The following NTSR2 variants were observed in gnomAD, a reference collection of about 807,000 sequenced individuals.
NTSR2 encodes the protein neurotensin receptor type 2.
NTSR2 carries 22 observed loss-of-function variants against 24.1 expected under a neutral mutation model. That is an observed-to-expected ratio of 0.91 (90% CI 0.65 to 1.30). The LOEUF is 1.30. Among genes scored for constraint, NTSR2 ranks in the 50% most tolerant of loss-of-function variants. NTSR2 has a pLI of 0.00. For missense variants in NTSR2, 570 were observed against 570.4 expected, an observed-to-expected ratio of 1.00 and a Z score of 0.01; for synonymous variants, 291 against 267.0, an observed-to-expected ratio of 1.09 and a Z score of -0.88.
Position 11,660,045 on chromosome 2 carries a change from A to T in NTSR2, c.987T>A (p.Thr329=). Residue 329 remains threonine, a splice_region_variant and synonymous_variant, in exon 3 of 4, where the codon ACT becomes ACA. Coordinates refer to ENST00000306928, the MANE Select transcript of NTSR2 (RefSeq NM_012344.4). ...MYCYVPDDAW[T]DPLYNFYHYF... ...TAGGGTCCTTCTGCCACACTCACTC[A>T]GTCCACGCGTCATCAGGTACGTAGC... 6.2e-7 allele frequency: 1 copy of T among 1,612,862 alleles called. No individual in the cohort carries two copies. The highest frequency in any genetic ancestry group is 8.5e-7 in the Non-Finnish European group (1 of 1,179,056).
chr2:11,659,294 G>A (rs975155116), intron 3 of NTSR2, among the ~76,000 whole-genome samples: 2 of 152,246 alleles, frequency 1.3e-5, no homozygotes, highest in African/African-American at 4.8e-5. Flanking sequence ...GGGGCCATCT[G>A]TCCAGCCACT....
At chr2:11,662,803 A>G (rs1408547273) in intron 1 of NTSR2, among the ~76,000 whole-genome samples, 5 of 152,220 alleles carry the variant, frequency 3.3e-5, no homozygotes, top group Admixed American at 3.3e-4. Context: ...CATTCAAGAA[A>G]ATTTTCCCAA....
chr2:11,669,459 C>CCGGGGGGGGGGGGGGGGGGG, intron 1 of NTSR2, 47 bp downstream of exon 1: 2 of 337,892 alleles, frequency 5.9e-6, no homozygotes, highest in Non-Finnish European at 1.1e-5. Flanking sequence ...CTCCCAGCAC[C>CCGGGGGGGGGGGGGGGGGGG]GCCCCCCCAC....
At position 11,669,696 on chromosome 2, in the gene NTSR2, C is replaced by A. The variant is rs894779642; in HGVS notation, c.434G>T (p.Ser145Ile). The A allele has an allele frequency of 2.6e-6, 4 of 1,530,704 alleles. No individual in the cohort carries two copies. Among genetic ancestry groups the A allele is most frequent in the Non-Finnish European group, 3.5e-6 (4 of 1,143,922 alleles). The allele number at this position is 1,530,704 out of a possible 1,614,324, so 94.8% of individuals were successfully genotyped here. A position where few individuals can be genotyped will look rare whatever the true frequency, so the allele number is the denominator to read the frequency against. ...LAVCQPLRARSLLTPRRTRWL... is the reference protein window; with the variant it reads ...LAVCQPLRARILLTPRRTRWL... ...CCGGGTCCGGCGTGGCGTCAGCAGGCTGCGGGCACGCAGGGGCTGGCACAC... is the reference window on the plus strand; with the variant it reads ...CCGGGTCCGGCGTGGCGTCAGCAGGATGCGGGCACGCAGGGGCTGGCACAC... Residue 145 changes from serine to isoleucine, a missense_variant, in exon 1 of 4, where the codon AGC becomes ATC. Transcript: ENST00000306928.
At chr2:11,668,615 C>T (rs1044402176) in intron 1 of NTSR2, among the ~76,000 whole-genome samples, 2 of 152,202 alleles carry the variant, frequency 1.3e-5, no homozygotes, top group African/African-American at 2.4e-5. Flanking sequence ...GGAGGCCCAG[C>T]AGGGCCTGGA....
In NTSR2 at chr2:11,662,282, C is replaced by T. The variant is rs1661091354; in HGVS notation, c.625-42G>A. The T allele has an allele frequency of 9.0e-6, 13 of 1,446,002 alleles. No homozygotes were observed. The South Asian group carries it at 2.1e-4, about 23-fold the overall frequency. 89.6% of individuals were successfully genotyped at this position (1,446,002 alleles called of 1,614,324 possible). On this transcript the variant is annotated intron_variant, in intron 1 of 3. Coordinates refer to ENST00000306928, the MANE Select transcript of NTSR2 (RefSeq NM_012344.4). ...AAGGGCTATGGGGCAGCGCCAGGGC[C>T]CTGCGGCCCTCGCCATCTGGCTGTG...
chr2:11,665,055 GTTTTTTTTTT>G (rs34751276), intron 1 of NTSR2, among the ~76,000 whole-genome samples: 250 of 106,700 alleles, frequency 2.3e-3, no homozygotes, highest in African/African-American at 8.5e-3. Flanking sequence ...CTTTGGCACT[GTTTTTTTTTT>G]TTTTTTTTTT....
intron 1 of NTSR2, among the ~76,000 whole-genome samples, chr2:11,663,503 A>C (rs1296624142): frequency 6.6e-6 from 1 of 152,276 alleles, no homozygotes. Context: ...AATGAACTAC[A>C]AATAGGTACT....
chr2:11,667,801 T>G (rs539407825), intron 1 of NTSR2, among the ~76,000 whole-genome samples: 1 of 152,290 alleles, frequency 6.6e-6, no homozygotes, highest in South Asian at 2.1e-4. Flanking sequence ...GTGTCCTGCT[T>G]CCAGGTGCGC....
At chr2:11,665,651 C>T (rs1003562252) in intron 1 of NTSR2, 1 of 152,222 alleles carries the variant, frequency 6.6e-6, no homozygotes, top group African/African-American at 2.4e-5. Flanking sequence ...CAGCAAACTG[C>T]ATCTAGGATG....
In NTSR2 at chr2:11,669,782, C is replaced by T; in HGVS notation, c.348G>A (p.Glu116=). 1 of 1,551,270 alleles carries T rather than the reference C, an allele frequency of 6.4e-7. No homozygotes were observed. Residue 116 remains glutamate, a synonymous_variant, in exon 1 of 4, where the codon GAG becomes GAA. Coordinates refer to ENST00000306928, the MANE Select transcript of NTSR2 (RefSeq NM_012344.4). ...LGCRGYYFVH[E]LCAYATVLSV... is the part of the protein sequence containing the mutation. Reference sequence around the variant, plus strand: ...TCAGCACCGTGGCGTAGGCGCACAGCTCGTGCACGAAGTAGTAGCCGCGGC... The same window carrying T: ...TCAGCACCGTGGCGTAGGCGCACAGTTCGTGCACGAAGTAGTAGCCGCGGC...
In NTSR2 at chr2:11,664,153, G is replaced by C. The variant is rs543107633; in HGVS notation, c.625-1913C>G. On this transcript the variant is annotated intron_variant, in intron 1 of 3. Coordinates refer to ENST00000306928, the MANE Select transcript of NTSR2 (RefSeq NM_012344.4). ...CATTTTTTTTTTTTTTTGAGACGAG[G>C]TCGCCCAGACTAGAGTGCGGTAGTG... Among the ~76,000 whole-genome samples the C allele has an allele frequency of 4.8e-5, 7 of 144,644 alleles. 2 individuals are homozygous for C. In the East Asian group the frequency reaches 1.4e-3, roughly 29 times the overall value. 94.9% of individuals were successfully genotyped at this position (144,644 alleles called of 152,430 possible).
At chr2:11,661,810 C>T (rs1661077283) in intron 2 of NTSR2, among the ~76,000 whole-genome samples, 157 bp downstream of exon 2, 2 of 152,136 alleles carry the variant, frequency 1.3e-5, no homozygotes, top group Admixed American at 1.3e-4. Context: ...CCGAACCCTA[C>T]AGGAAGTCTG....
chr2:11,669,383 A>T, intron 1 of NTSR2, 123 bp downstream of exon 1: 2 of 890,872 alleles, frequency 2.2e-6, no homozygotes, highest in Non-Finnish European at 3.1e-6. Flanking sequence ...ACAAGACCCA[A>T]CTTGCTGGGT....
intron 3 of NTSR2, 80 bp downstream of exon 3, chr2:11,659,963 C>G (rs571540326): frequency 8.7e-7 from 1 of 1,150,886 alleles, no homozygotes; most frequent in South Asian, 1.3e-5. Flanking sequence ...TGGAGGGTCC[C>G]TCTGGAGAGC....
chr2:11,666,214 G>C (rs6708777), intron 1 of NTSR2, among the ~76,000 whole-genome samples: 17,133 of 152,124 alleles, frequency 0.11, 1,135 homozygotes, highest in African/African-American at 0.17. Flanking sequence ...CCAGCTGGTC[G>C]TCTCCTTGCC....
At position 11,669,566 on chromosome 2, in the gene NTSR2, C is replaced by T; in HGVS notation, c.564G>A (p.Glu188=). The T allele has an allele frequency of 6.4e-7, 1 of 1,567,958 alleles. No individual in the cohort carries two copies. Among genetic ancestry groups the T allele is most frequent in the Non-Finnish European group, 8.6e-7 (1 of 1,165,134 alleles). Residue 188 remains glutamate (E), a synonymous_variant, in exon 1 of 4, where the codon GAG becomes GAA. Transcript: ENST00000306928. ...GCACCGTGCACACTCGCGAGGCGGG[C>T]TCCGGCTCCCCGTCCGCCGTCTCGA... ...HELETADGEP[E]PASRVCTVLV...
intron 3 of NTSR2, 88 bp from the exon 4 acceptor site, chr2:11,658,810 G>A (rs890486361): frequency 6.2e-6 from 9 of 1,456,194 alleles, no homozygotes; most frequent in Admixed American, 2.0e-5. Context: ...CTCCTCCAGA[G>A]GGCTGCATGA....
In NTSR2 at chr2:11,669,702, G is replaced by C. The variant is rs751440946; in HGVS notation, c.428C>G (p.Ala143Gly). The change falls in exon 1 of 4, where the codon GCC becomes GGC. Residue 143 changes from alanine (A) to glycine (G), a missense_variant. Coordinates refer to ENST00000306928, the MANE Select transcript of NTSR2 (RefSeq NM_012344.4). ...CCGGCGTGGCGTCAGCAGGCTGCGG[G>C]CACGCAGGGGCTGGCACACGGCTAG... ...RCLAVCQPLR[A>G]RSLLTPRRTR... The C allele has an allele frequency of 6.5e-7, 1 of 1,528,870 alleles. No homozygotes were observed. The highest frequency in any genetic ancestry group is 1.2e-5 in the South Asian group (1 of 83,212). 94.7% of individuals were successfully genotyped at this position (1,528,870 alleles called of 1,614,324 possible).
Sources: allele counts gnomAD v4.1 joint callset (sites outside exome capture counted in the v4.1 genomes callset), GRCh38; gene constraint gnomAD v4.1.1; transcripts MANE v1.5; gene names NCBI Gene and HGNC (gene_info 2026-07-23, HGNC 2026-07-21).